The following DEPDC1B variants were observed in gnomAD, a reference collection of about 807,000 sequenced individuals.
The protein encoded by DEPDC1B is DEP domain containing 1B, also known as DEP domain-containing protein 1B.
DEPDC1B carries 51 observed loss-of-function variants against 66.5 expected under a neutral mutation model. The observed-to-expected ratio is 0.77, with a 90% CI of 0.61 to 0.97. DEPDC1B has a LOEUF of 0.97. DEPDC1B is among the 50% of genes least tolerant of loss of function. The pLI, the probability that DEPDC1B is intolerant of heterozygous loss-of-function variation, is 0.00. For missense variants in DEPDC1B, 552 were observed against 637.1 expected (o/e 0.87, Z 1.44); for synonymous variants, 226 against 223.6 (o/e 1.01, Z -0.10).
chr5:60,669,418 C>T (rs777964905), intron 2 of DEPDC1B, among the ~76,000 whole-genome samples: 22 of 152,078 alleles, frequency 1.4e-4, no homozygotes, highest in Admixed American at 2.0e-4. Flanking sequence ...AAGCAAACAA[C>T]AATACAAAAA....
chr5:60,634,246 C>A (rs561533466), intron 7 of DEPDC1B, among the ~76,000 whole-genome samples: 24 of 152,316 alleles, frequency 1.6e-4, no homozygotes, highest in African/African-American at 5.5e-4. Flanking sequence ...GCCAAAGAAC[C>A]CACTGTCTTA....
chr5:60,686,035 G>A (rs1003495608), intron 2 of DEPDC1B, among the ~76,000 whole-genome samples: 4 of 152,234 alleles, frequency 2.6e-5, no homozygotes, highest in East Asian at 3.9e-4. Context: ...ATGCACTCAC[G>A]ACAGACAGTC....
intron 1 of DEPDC1B, among the ~76,000 whole-genome samples, chr5:60,695,183 T>C (rs1165608056): frequency 6.6e-6 from 1 of 152,164 alleles, no homozygotes; most frequent in Non-Finnish European, 1.5e-5. Flanking sequence ...TGCGTTGCTG[T>C]AAAGAAATAC....
At position 60,668,246 on chromosome 5, in the gene DEPDC1B, T is replaced by TAAAATGGATATTTTATATATATATAA. The variant is rs1561385177; in HGVS notation, c.314+18715_314+18716insTTATATATATATAAAATATCCATTTT. 6.5e-5 allele frequency among the ~76,000 whole-genome samples: 7 copies of TAAAATGGATATTTTATATATATATAA among 107,652 alleles called. 1 individual carries two copies. The highest frequency in any genetic ancestry group is 1.1e-4 in the African/African-American group (3 of 26,646). The allele number at this position is 107,652 out of a possible 152,430, so 70.6% of individuals were successfully genotyped here. A position where few individuals can be genotyped will look rare whatever the true frequency, so the allele number is the denominator to read the frequency against. ...AAAATGGATATTTTATATATATATA[T>TAAAATGGATATTTTATATATATATAA]AAAATGGATATTATATATATATATA... On this transcript the variant is annotated intron_variant, in intron 2 of 10. Transcript: ENST00000265036.
chr5:60,686,903 G>A (rs556600738), intron 2 of DEPDC1B, 59 bp downstream of exon 2: 20 of 1,589,584 alleles, frequency 1.3e-5, no homozygotes, highest in African/African-American at 2.7e-5. Context: ...CAACAGACTT[G>A]GACCAGATTC....
At chr5:60,662,413 C>T (rs1274541418) in intron 2 of DEPDC1B, among the ~76,000 whole-genome samples, 1 of 151,972 alleles carries the variant, frequency 6.6e-6, no homozygotes, top group Non-Finnish European at 1.5e-5. Context: ...CCAAAGTCTG[C>T]CGTAGGCCCA....
At chr5:60,696,002 T>C (rs1450998352) in intron 1 of DEPDC1B, among the ~76,000 whole-genome samples, 1 of 152,196 alleles carries the variant, frequency 6.6e-6, no homozygotes, top group Non-Finnish European at 1.5e-5. Context: ...TTTCACCATG[T>C]TGGCCAGGAT....
intron 2 of DEPDC1B, among the ~76,000 whole-genome samples, chr5:60,650,785 A>G (rs1013253093): frequency 6.6e-6 from 1 of 152,100 alleles, no homozygotes; most frequent in Non-Finnish European, 1.5e-5. Flanking sequence ...CCTCCTAACC[A>G]TATGCTCTTT....
intron 10 of DEPDC1B, among the ~76,000 whole-genome samples, chr5:60,598,320 T>G (rs549188731): frequency 1.4e-4 from 22 of 152,286 alleles, no homozygotes; most frequent in African/African-American, 5.3e-4. Context: ...GTATATTACT[T>G]TGTGAAAAGC....
At chr5:60,604,168 T>C (rs1440549524) in intron 8 of DEPDC1B, among the ~76,000 whole-genome samples, 1 of 147,056 alleles carries the variant, frequency 6.8e-6, no homozygotes, top group Non-Finnish European at 1.5e-5. Context: ...AAATGCAAAA[T>C]ATATTATAGC....
At chr5:60,621,281 TATA>T (rs1353803416) in intron 7 of DEPDC1B, among the ~76,000 whole-genome samples, 8 of 148,472 alleles carry the variant, frequency 5.4e-5, no homozygotes, top group African/African-American at 9.9e-5. Context: ...TAACTTAAAG[TATA>T]ATAATAAAAT....
chr5:60,648,055 T>G (rs969982965), intron 2 of DEPDC1B: 2 of 152,206 alleles, frequency 1.3e-5, no homozygotes, highest in Admixed American at 6.5e-5. Context: ...ACGAGAGTAC[T>G]GAAGGAAACA....
Position 60,616,585 on chromosome 5 carries a change from G to GA in DEPDC1B, c.899-10730dup, listed in dbSNP as rs934084605. Among the ~76,000 whole-genome samples, 77 of 152,108 alleles carry GA rather than the reference G, an allele frequency of 5.1e-4. 1 individual carries two copies. Among genetic ancestry groups the GA allele is most frequent in the Admixed American group, 1.6e-3 (25 of 15,262 alleles). On this transcript the variant is annotated intron_variant, in intron 7 of 10. Transcript: ENST00000265036. Reference sequence around the variant, plus strand: ...AATGAAATGAAGCGAGAAGTTTACAGAAAAAAGAATAAAAAGAAACGAACA... The same window carrying GA: ...AATGAAATGAAGCGAGAAGTTTACAGAAAAAAAGAATAAAAAGAAACGAACA...
At chr5:60,625,606 A>G (rs572183940) in intron 7 of DEPDC1B, among the ~76,000 whole-genome samples, 9 of 152,306 alleles carry the variant, frequency 5.9e-5, no homozygotes, top group African/African-American at 1.9e-4. Context: ...ACCTCTGTTT[A>G]AACAACCACA....
At chr5:60,603,686 C>T (rs1752250539) in intron 8 of DEPDC1B, 119 bp from the exon 9 acceptor site, 2 of 989,654 alleles carry the variant, frequency 2.0e-6, no homozygotes, top group African/African-American at 1.6e-5. Flanking sequence ...CATATTCTAC[C>T]AAGAGTACCC....
intron 2 of DEPDC1B, among the ~76,000 whole-genome samples, chr5:60,661,385 T>C (rs1447658831): frequency 6.6e-6 from 1 of 152,180 alleles, no homozygotes; most frequent in Non-Finnish European, 1.5e-5. Context: ...ATTAGGACCA[T>C]AGAGAACACT....
intron 1 of DEPDC1B, chr5:60,689,151 T>TA (rs1209522928): frequency 3.1e-5 from 13 of 423,764 alleles, no homozygotes; most frequent in Middle Eastern, 3.4e-4. Flanking sequence ...GGTTGAGAAC[T>TA]AAAAAAAATC....
chr5:60,669,927 A>T (rs1479078414), intron 2 of DEPDC1B, among the ~76,000 whole-genome samples: 1 of 152,176 alleles, frequency 6.6e-6, no homozygotes, highest in Non-Finnish European at 1.5e-5. Flanking sequence ...CATATACAAG[A>T]TTTACAAGAA....
intron 2 of DEPDC1B, among the ~76,000 whole-genome samples, chr5:60,661,479 C>T: frequency 6.6e-6 from 1 of 152,100 alleles, no homozygotes; most frequent in East Asian, 1.9e-4. Flanking sequence ...CCCCTCAAGG[C>T]AAAAATGCCC....
Sources: allele counts gnomAD v4.1 joint callset (sites outside exome capture counted in the v4.1 genomes callset), GRCh38; gene constraint gnomAD v4.1.1; transcripts MANE v1.5; gene names NCBI Gene and HGNC (gene_info 2026-07-23, HGNC 2026-07-21).